The following DPYD variants were observed in gnomAD, a reference collection of about 807,000 sequenced individuals.
DPYD encodes dihydropyrimidine dehydrogenase [NADP(+)].
In DPYD, 109 loss-of-function variants were observed where a neutral mutation model predicts 116.2. The ratio of observed to expected loss-of-function variants is 0.94; its 90% CI spans 0.80 to 1.10. The LOEUF is 1.10. Among genes scored for constraint, DPYD ranks in the 50% least tolerant of loss-of-function variants. The probability of loss-of-function intolerance (pLI) is 0.00; values close to 1 mark genes in which losing one functional copy is unlikely to be tolerated. For missense variants in DPYD, 1,302 were observed against 1,254.5 expected, an observed-to-expected ratio of 1.04 and a Z score of -0.57; for synonymous variants, 440 against 432.0, an observed-to-expected ratio of 1.02 and a Z score of -0.23.
chr1:97,642,703 G>T (rs1416903807), intron 8 of DPYD, among the ~76,000 whole-genome samples: 2 of 134,760 alleles, frequency 1.5e-5, no homozygotes, highest in African/African-American at 5.5e-5. Flanking sequence ...GACACAGGAA[G>T]GGGAACATCA....
In DPYD at chr1:97,484,164, G is replaced by A. The variant is rs1420086330; in HGVS notation, c.1740+31562C>T. 3.9e-5 allele frequency among the ~76,000 whole-genome samples: 6 copies of A among 152,146 alleles called. No homozygotes were observed. The East Asian group carries it at 1.2e-3, about 29-fold the overall frequency. On this transcript the variant is annotated intron_variant, in intron 13 of 22. Transcript: ENST00000370192. ...TACTAAAAATACAAAAATTAGCTGGGTGTGGCGGCTTGTGCCAGTAATCCC... is the reference window on the plus strand; with the variant it reads ...TACTAAAAATACAAAAATTAGCTGGATGTGGCGGCTTGTGCCAGTAATCCC...
At chr1:97,570,623 T>G (rs1652826578) in intron 11 of DPYD, among the ~76,000 whole-genome samples, 1 of 151,968 alleles carries the variant, frequency 6.6e-6, no homozygotes, top group Non-Finnish European at 1.5e-5. Context: ...GGGGTAAAAT[T>G]TTGAACTTTG....
intron 11 of DPYD, among the ~76,000 whole-genome samples, chr1:97,573,523 T>G (rs954033861): frequency 6.6e-6 from 1 of 152,178 alleles, no homozygotes; most frequent in Non-Finnish European, 1.5e-5. Context: ...ATATGTGTTT[T>G]GGTTATAAGC....
At chr1:97,211,391 A>G (rs1660020923) in intron 19 of DPYD, among the ~76,000 whole-genome samples, 1 of 152,150 alleles carries the variant, frequency 6.6e-6, no homozygotes, top group South Asian at 2.1e-4. Context: ...AGTACTTACC[A>G]CTATCTGACA....
chr1:97,632,800 A>G (rs1657348097), intron 8 of DPYD, among the ~76,000 whole-genome samples: 1 of 152,168 alleles, frequency 6.6e-6, no homozygotes. Flanking sequence ...TGTATAAACT[A>G]TCCTCAGATA....
intron 19 of DPYD, among the ~76,000 whole-genome samples, chr1:97,225,456 A>G (rs1557952438): frequency 6.6e-6 from 1 of 151,912 alleles, no homozygotes; most frequent in East Asian, 1.9e-4. Context: ...TTATTCAAAG[A>G]ATATTAACGT....
intron 19 of DPYD, among the ~76,000 whole-genome samples, chr1:97,206,015 C>G (rs1053333135): frequency 4.6e-5 from 7 of 151,988 alleles, no homozygotes; most frequent in Admixed American, 3.3e-4. Context: ...GCTTGCTCTG[C>G]TGTCCCACTG....
chr1:97,425,750 C>A (rs1674833021), intron 14 of DPYD, among the ~76,000 whole-genome samples: 1 of 152,010 alleles, frequency 6.6e-6, no homozygotes, highest in African/African-American at 2.4e-5. Context: ...GGTCAATTCC[C>A]CTGCATAGGA....
intron 5 of DPYD, among the ~76,000 whole-genome samples, chr1:97,713,316 A>G (rs1662401806): frequency 6.6e-6 from 1 of 152,122 alleles, no homozygotes. Flanking sequence ...ATTTATTTTT[A>G]AAAACTAATG....
intron 16 of DPYD, among the ~76,000 whole-genome samples, chr1:97,357,635 C>T (rs933689729): frequency 6.6e-6 from 1 of 152,086 alleles, no homozygotes; most frequent in Non-Finnish European, 1.5e-5. Flanking sequence ...AGCCTTCACC[C>T]AAATACTGCA....
chr1:97,164,177 A>G (rs2101751530), intron 20 of DPYD, among the ~76,000 whole-genome samples: 1 of 152,346 alleles, frequency 6.6e-6, no homozygotes, highest in Non-Finnish European at 1.5e-5. Flanking sequence ...GATAAAAACC[A>G]CATGATTATC....
intron 7 of DPYD, among the ~76,000 whole-genome samples, chr1:97,686,363 G>A (rs1371644451): frequency 3.3e-5 from 5 of 151,710 alleles, no homozygotes; most frequent in Admixed American, 6.6e-5. Flanking sequence ...TAGGCCGGGC[G>A]CGGTGGCTCA....
At chr1:97,209,268 T>A (rs1037533486) in intron 19 of DPYD, among the ~76,000 whole-genome samples, 1 of 152,158 alleles carries the variant, frequency 6.6e-6, no homozygotes, top group Non-Finnish European at 1.5e-5. Flanking sequence ...TAAGTTGGAT[T>A]TTATGTGTTT....
intron 2 of DPYD, among the ~76,000 whole-genome samples, chr1:97,845,414 C>T (rs974996948): frequency 7.2e-5 from 11 of 152,272 alleles, no homozygotes; most frequent in South Asian, 2.1e-4. Context: ...CTAGTTGGGA[C>T]GACCTGCCTA....
chr1:97,691,345 T>G (rs1051622373), intron 7 of DPYD: 4 of 180,944 alleles, frequency 2.2e-5, no homozygotes, highest in Admixed American at 5.4e-5. Context: ...CATAAGAAAT[T>G]ATGTTCCAAA....
At chr1:97,346,962 T>C (rs1173901939) in intron 16 of DPYD, among the ~76,000 whole-genome samples, 1 of 151,874 alleles carries the variant, frequency 6.6e-6, no homozygotes, top group Non-Finnish European at 1.5e-5. Context: ...ATTGAATGCC[T>C]TGGTGATTTG....
intron 3 of DPYD, among the ~76,000 whole-genome samples, chr1:97,822,791 A>G (rs1000216097): frequency 1.3e-5 from 2 of 152,208 alleles, no homozygotes; most frequent in African/African-American, 2.4e-5. Context: ...CTGCATTAGC[A>G]GCAATAAGCA....
At chr1:97,720,746 C>T in intron 5 of DPYD, 3 of 1,440,032 alleles carry the variant, frequency 2.1e-6, no homozygotes, top group Non-Finnish European at 2.7e-6. Flanking sequence ...ACCTTCTAGC[C>T]AACTAGTCTC....
chr1:97,450,485 A>G (rs764539442), intron 13 of DPYD, among the ~76,000 whole-genome samples: 23 of 152,190 alleles, frequency 1.5e-4, no homozygotes, highest in Non-Finnish European at 3.4e-4. Flanking sequence ...ATTTATATTC[A>G]TTAACACTCA....
Sources: gnomAD v4.1 joint callset for allele counts (sites outside exome capture counted in the v4.1 genomes callset) on GRCh38, gnomAD v4.1.1 for gene constraint, MANE v1.5 for transcripts, NCBI Gene and HGNC (gene_info 2026-07-23, HGNC 2026-07-21) for gene names.